PLD5: variants seen among roughly 807,000 people sequenced by gnomAD.
PLD5 encodes inactive phospholipase D5.
Under a neutral mutation model 61.1 loss-of-function variants are expected in PLD5, and 36 were observed. The observed-to-expected ratio is 0.59, with a 90% CI of 0.45 to 0.78. The LOEUF is 0.78. Among genes scored for constraint, PLD5 ranks in the 30% least tolerant of loss-of-function variants. The pLI, the probability that PLD5 is intolerant of heterozygous loss-of-function variation, is 0.00. For synonymous variants in PLD5, 243 were observed against 242.8 expected (o/e 1.00, Z -0.01); for missense variants, 515 against 644.4 (o/e 0.80, Z 2.17).
chr1:242,271,165 T>G (rs1490646359), intron 3 of PLD5, among the ~76,000 whole-genome samples: 1 of 142,400 alleles, frequency 7.0e-6, no homozygotes, highest in Non-Finnish European at 1.5e-5. Flanking sequence ...TATCTCAAAG[T>G]ACACATGTGC....
At chr1:242,408,927 C>G (rs1266699877) in intron 1 of PLD5, among the ~76,000 whole-genome samples, 6 of 152,010 alleles carry the variant, frequency 3.9e-5, no homozygotes, top group Non-Finnish European at 5.9e-5. Context: ...GTTAGCTAGG[C>G]TTTGTGGCAG....
intron 1 of PLD5, among the ~76,000 whole-genome samples, chr1:242,383,531 T>A (rs771304012): frequency 6.6e-6 from 1 of 152,006 alleles, no homozygotes; most frequent in Non-Finnish European, 1.5e-5. Flanking sequence ...TCATTTTCTG[T>A]TAAATTTTTT....
intron 2 of PLD5, among the ~76,000 whole-genome samples, chr1:242,323,877 G>A (rs1293575430): frequency 5.3e-5 from 8 of 152,108 alleles, no homozygotes; most frequent in Admixed American, 1.3e-4. Flanking sequence ...AGGCAAGGAA[G>A]AAGCAGAAAA....
At chr1:242,500,543 G>A (rs1668520376) in intron 1 of PLD5, among the ~76,000 whole-genome samples, 1 of 152,176 alleles carries the variant, frequency 6.6e-6, no homozygotes, top group South Asian at 2.1e-4. Context: ...ACTGATCAAA[G>A]ATGCAACAGA....
chr1:242,497,724 C>T (rs948735617), intron 1 of PLD5, among the ~76,000 whole-genome samples: 2 of 152,160 alleles, frequency 1.3e-5, no homozygotes, highest in East Asian at 1.9e-4. Flanking sequence ...AAAAACTGCT[C>T]GACAAATACA....
At chr1:242,315,906 T>C (rs1273418788) in intron 2 of PLD5, among the ~76,000 whole-genome samples, 3 of 152,192 alleles carry the variant, frequency 2.0e-5, no homozygotes, top group Non-Finnish European at 4.4e-5. Flanking sequence ...TCTTTGTATA[T>C]AGGAATTCAA....
chr1:242,442,965 C>T (rs1203442917), intron 1 of PLD5, among the ~76,000 whole-genome samples: 1 of 152,120 alleles, frequency 6.6e-6, no homozygotes, highest in Non-Finnish European at 1.5e-5. Context: ...GCCGAATCAA[C>T]AAAAACTGGG....
chr1:242,089,806 A>G lies in PLD5; in HGVS notation c.*48T>C. 3 of 1,605,674 alleles carry G rather than the reference A, an allele frequency of 1.9e-6. No individual in the cohort carries two copies. Among genetic ancestry groups the G allele is most frequent in the Non-Finnish European group, 2.6e-6 (3 of 1,173,502 alleles). ...TGTTTTTTCTCTCCTCAAGTCCTTT[A>G]TGTATAAATATGAAATACAGAGCTG... On this transcript the variant is annotated 3_prime_UTR_variant, in exon 10 of 10. Transcript: ENST00000536534.
intron 1 of PLD5, among the ~76,000 whole-genome samples, chr1:242,358,903 G>A (rs540788750): frequency 1.3e-4 from 20 of 152,098 alleles, no homozygotes; most frequent in Non-Finnish European, 2.4e-4. Context: ...TCTACTTGTT[G>A]TGGAAATTCA....
intron 4 of PLD5, among the ~76,000 whole-genome samples, chr1:242,264,281 G>C (rs1673532502): frequency 1.3e-5 from 2 of 152,188 alleles, no homozygotes; most frequent in South Asian, 2.1e-4. Context: ...CTGCACCCAA[G>C]TAGCACAGCA....
intron 5 of PLD5, among the ~76,000 whole-genome samples, chr1:242,157,142 A>G (rs117478200): frequency 3.3e-5 from 5 of 152,124 alleles, no homozygotes; most frequent in African/African-American, 4.8e-5. Flanking sequence ...CAATTGATCA[A>G]TTCGGCTATT....
At chr1:242,504,888 G>T (rs1466892658) in intron 1 of PLD5, among the ~76,000 whole-genome samples, 1 of 152,130 alleles carries the variant, frequency 6.6e-6, no homozygotes, top group African/African-American at 2.4e-5. Context: ...GAGTGCAGTG[G>T]CTCACACCTG....
In PLD5 at chr1:242,089,410, ACAAG is replaced by A; in HGVS notation, c.*440_*443del. ...ACTGTGTAGGTCTTGGAGACGATTTACAAGAATAAACACTTGGTTTTATCAGTCT... is the reference window on the plus strand; with the variant it reads ...ACTGTGTAGGTCTTGGAGACGATTTAAATAAACACTTGGTTTTATCAGTCT... On this transcript the variant is annotated 3_prime_UTR_variant, in exon 10 of 10. Transcript: ENST00000536534. The A allele has an allele frequency of 3.0e-5, 12 of 401,954 alleles. No individual in the cohort carries two copies. Among genetic ancestry groups the A allele is most frequent in the South Asian group, 1.2e-4 (1 of 8,392 alleles). The allele number at this position is 401,954 out of a possible 1,614,324, so 24.9% of individuals were successfully genotyped here. A position where few individuals can be genotyped will look rare whatever the true frequency, so the allele number is the denominator to read the frequency against.
intron 5 of PLD5, among the ~76,000 whole-genome samples, chr1:242,155,073 G>A (rs1665244603): frequency 6.6e-6 from 1 of 152,042 alleles, no homozygotes; most frequent in Admixed American, 6.6e-5. Context: ...TTTAGACTTG[G>A]GAGGGTGTAT....
intron 5 of PLD5, among the ~76,000 whole-genome samples, chr1:242,161,612 T>C (rs2148846324): frequency 6.6e-6 from 1 of 152,334 alleles, no homozygotes; most frequent in Middle Eastern, 3.4e-3. Flanking sequence ...GAGTTGGATA[T>C]GTGAAGTGAG....
intron 8 of PLD5, among the ~76,000 whole-genome samples, chr1:242,105,817 T>TAGAG (rs60774620): frequency 0.21 from 32,539 of 151,974 alleles, 3,604 homozygotes; most frequent in South Asian, 0.29. Flanking sequence ...ACTCTATCAT[T>TAGAG]AGAGAGAGAG....
intron 1 of PLD5, among the ~76,000 whole-genome samples, chr1:242,513,208 T>C (rs1461014293): frequency 6.6e-6 from 1 of 152,174 alleles, no homozygotes; most frequent in Non-Finnish European, 1.5e-5. Flanking sequence ...GCATATGACA[T>C]CTGTAGCATT....
intron 6 of PLD5, among the ~76,000 whole-genome samples, chr1:242,120,287 T>C (rs1159315852): frequency 6.6e-6 from 1 of 152,086 alleles, no homozygotes; most frequent in Non-Finnish European, 1.5e-5. Flanking sequence ...CCCCACTAAA[T>C]TGTATGCTTT....
chr1:242,188,935 A>T (rs1668072227), intron 5 of PLD5: 1 of 152,260 alleles, frequency 6.6e-6, no homozygotes, highest in Non-Finnish European at 1.5e-5. Context: ...GTTGTAGAGT[A>T]TTTCCAAATA....
Sources: gnomAD v4.1 joint callset for allele counts (sites outside exome capture counted in the v4.1 genomes callset) on GRCh38, gnomAD v4.1.1 for gene constraint, MANE v1.5 for transcripts, NCBI Gene and HGNC (gene_info 2026-07-23, HGNC 2026-07-21) for gene names.